GPR158: variants seen among roughly 807,000 people sequenced by gnomAD.
The protein encoded by GPR158 is metabotropic glycine receptor.
GPR158 carries 30 observed loss-of-function variants against 78.2 expected under a neutral mutation model. That is an observed-to-expected ratio of 0.38 (90% CI 0.29 to 0.52). The LOEUF (loss-of-function observed/expected upper bound fraction) is 0.52, where lower values mean the gene tolerates loss of function less well. Among genes scored for constraint, GPR158 ranks in the 20% least tolerant of loss-of-function variants. GPR158 has a pLI of 0.83. For synonymous variants in GPR158, 581 were observed against 591.1 expected (o/e 0.98, Z 0.25); for missense variants, 1,463 against 1,523.5 (o/e 0.96, Z 0.66).
At chr10:25,292,247 C>T (rs1854449741) in intron 2 of GPR158, among the ~76,000 whole-genome samples, 1 of 152,026 alleles carries the variant, frequency 6.6e-6, no homozygotes, top group Non-Finnish European at 1.5e-5. Flanking sequence ...TCTCAAAATT[C>T]CGTGTCCTTT....
chr10:25,405,498 CTTTTTTTTTTTTT>C lies in GPR158; in HGVS notation c.1112-6734_1112-6722del, dbSNP rs59695469. The stretch of plus-strand genomic sequence containing the variant: ...AAAATCTGACAAGAGAAACAATTTC[CTTTTTTTTTTTTT>C]TTTTTTTTTTTTTTTTTGCTAGCAT... On this transcript the variant is annotated intron_variant, in intron 3 of 10. Transcript: ENST00000376351. Among the ~76,000 whole-genome samples the C allele has an allele frequency of 5.7e-4, 26 of 45,532 alleles. No individual in the cohort carries two copies. The East Asian group carries it at 0.011, about 19-fold the overall frequency. 29.9% of individuals were successfully genotyped at this position (45,532 alleles called of 152,430 possible). A position where few individuals can be genotyped will look rare whatever the true frequency, so the allele number is the denominator to read the frequency against.
chr10:25,339,146 G>A (rs537263079), intron 2 of GPR158, among the ~76,000 whole-genome samples: 1 of 151,124 alleles, frequency 6.6e-6, no homozygotes, highest in African/African-American at 2.4e-5. Context: ...CACCATGCCT[G>A]GCCAGCTTTA....
At chr10:25,223,276 G>T (rs1853325407) in intron 2 of GPR158, among the ~76,000 whole-genome samples, 1 of 152,144 alleles carries the variant, frequency 6.6e-6, no homozygotes, top group Admixed American at 6.6e-5. Flanking sequence ...TCTACAGAGT[G>T]TATGTTCAAC....
intron 7 of GPR158, among the ~76,000 whole-genome samples, chr10:25,581,627 A>G (rs986237668): frequency 1.3e-5 from 2 of 152,184 alleles, no homozygotes; most frequent in African/African-American, 4.8e-5. Flanking sequence ...ATAAATAAAT[A>G]ACCTCCCACA....
chr10:25,491,988 G>T (rs1835816619), intron 5 of GPR158, among the ~76,000 whole-genome samples: 1 of 152,172 alleles, frequency 6.6e-6, no homozygotes, highest in South Asian at 2.1e-4. Flanking sequence ...AAGAAAAGAG[G>T]TGTATTTGGC....
At chr10:25,546,637 A>T (rs958481078) in intron 5 of GPR158, among the ~76,000 whole-genome samples, 17 of 152,100 alleles carry the variant, frequency 1.1e-4, no homozygotes, top group Non-Finnish European at 2.1e-4. Flanking sequence ...AGAAATATTT[A>T]CTGAGCACTT....
At chr10:25,527,476 T>C (rs752422339) in intron 5 of GPR158, among the ~76,000 whole-genome samples, 1 of 152,140 alleles carries the variant, frequency 6.6e-6, no homozygotes, top group Non-Finnish European at 1.5e-5. Flanking sequence ...AATTAAACAA[T>C]TTTTAAACAA....
chr10:25,530,449 G>A (rs541686420), intron 5 of GPR158, among the ~76,000 whole-genome samples: 31 of 152,288 alleles, frequency 2.0e-4, no homozygotes, highest in African/African-American at 7.0e-4. Context: ...CACCTGACTG[G>A]ACACTGGAAA....
intron 1 of GPR158, among the ~76,000 whole-genome samples, chr10:25,184,662 G>A (rs1462070338): frequency 1.3e-5 from 2 of 152,154 alleles, no homozygotes; most frequent in African/African-American, 2.4e-5. Flanking sequence ...CTCTGATACT[G>A]TGGGAAAATG....
intron 2 of GPR158, among the ~76,000 whole-genome samples, chr10:25,337,190 A>C (rs551569262): frequency 6.6e-6 from 1 of 152,232 alleles, no homozygotes; most frequent in East Asian, 1.9e-4. Flanking sequence ...TACATATAGT[A>C]AACCTGCATC....
chr10:25,594,435 A>G (rs1167543600), intron 9 of GPR158, 38 bp downstream of exon 9: 2 of 881,304 alleles, frequency 2.3e-6, no homozygotes, highest in African/African-American at 1.7e-5. Flanking sequence ...TGCAAAACTT[A>G]TTTTTAATGA....
intron 2 of GPR158, among the ~76,000 whole-genome samples, chr10:25,339,000 G>GTTTC (rs1156302171): frequency 3.3e-4 from 49 of 148,894 alleles, no homozygotes; most frequent in African/African-American, 3.9e-4. Flanking sequence ...TCTAAGTTAG[G>GTTTC]TTTCTTTCTT....
intron 5 of GPR158, among the ~76,000 whole-genome samples, chr10:25,529,755 G>A (rs981399581): frequency 6.6e-6 from 1 of 152,278 alleles, no homozygotes; most frequent in Middle Eastern, 3.4e-3. Context: ...TCACTCTCAC[G>A]ACAGCCTTTT....
chr10:25,185,424 A>C (rs1462419800), intron 1 of GPR158, among the ~76,000 whole-genome samples: 2 of 152,238 alleles, frequency 1.3e-5, no homozygotes, highest in African/African-American at 4.8e-5. Flanking sequence ...GGGCTCAAAA[A>C]GAACATCTGA....
At chr10:25,364,360 G>A (rs577724483) in intron 2 of GPR158, among the ~76,000 whole-genome samples, 21 of 151,760 alleles carry the variant, frequency 1.4e-4, no homozygotes, top group African/African-American at 3.6e-4. Context: ...AATCAGAACC[G>A]TTTGTTAATC....
chr10:25,236,287 T>C (rs1027546444), intron 2 of GPR158, among the ~76,000 whole-genome samples: 4 of 152,066 alleles, frequency 2.6e-5, no homozygotes, highest in African/African-American at 9.7e-5. Flanking sequence ...GGGCTGATCA[T>C]GAGCTCAGGA....
intron 3 of GPR158, among the ~76,000 whole-genome samples, chr10:25,400,499 G>C (rs112984763): frequency 0.011 from 1,645 of 152,328 alleles, 8 homozygotes; most frequent in Non-Finnish European, 0.016. Flanking sequence ...ATTTGAAATT[G>C]TGCTGGCAGC....
In GPR158 at chr10:25,572,689, C is replaced by T. The variant is rs1837025072; in HGVS notation, c.1555C>T (p.Pro519Ser). Residue 519 changes from proline to serine, a missense_variant, in exon 7 of 11, where the codon CCA (proline) becomes TCA (serine). Physicochemically the swap from Pro to Ser is moderately conservative, Grantham distance 74. Coordinates refer to ENST00000376351, the MANE Select transcript of GPR158 (RefSeq NM_020752.3). ...TCTTTCACGAACGGCTCAACGAATT[C>T]CATATATGACTGGCGGACGGGTCAT... is the stretch of plus-strand genomic sequence containing the variant. ...VFLSRTAQRIPYMTGGRVMRM... is the reference protein window; with the variant it reads ...VFLSRTAQRISYMTGGRVMRM... The T allele has an allele frequency of 6.2e-7, 1 of 1,613,976 alleles. No individual in the cohort carries two copies. Among genetic ancestry groups the T allele is most frequent in the Non-Finnish European group, 8.5e-7 (1 of 1,179,864 alleles).
chr10:25,347,816 C>T (rs138691566), intron 2 of GPR158, among the ~76,000 whole-genome samples: 130 of 152,044 alleles, frequency 8.6e-4, no homozygotes, highest in African/African-American at 2.7e-3. Context: ...ATTTTATAGT[C>T]GGAGAAGCTA....
Sources: allele counts gnomAD v4.1 joint callset (sites outside exome capture counted in the v4.1 genomes callset), GRCh38; gene constraint gnomAD v4.1.1; transcripts MANE v1.5; gene names NCBI Gene and HGNC (gene_info 2026-07-23, HGNC 2026-07-21).